The following TSNARE1 variants were observed in gnomAD, a reference collection of about 807,000 sequenced individuals.
The protein encoded by TSNARE1 is t-SNARE domain-containing protein 1.
TSNARE1 carries 49 observed loss-of-function variants against 62.0 expected under a neutral mutation model. That is an observed-to-expected ratio of 0.79 (90% CI 0.63 to 1.00). The LOEUF (loss-of-function observed/expected upper bound fraction) is 1.00. Among genes scored for constraint, TSNARE1 ranks in the 50% least tolerant of loss-of-function variants. The probability of loss-of-function intolerance (pLI) is 0.00; values close to 1 mark genes in which losing one functional copy is unlikely to be tolerated. For synonymous variants in TSNARE1, 328 were observed against 294.4 expected (o/e 1.11, Z -1.17); for missense variants, 755 against 700.1 (o/e 1.08, Z -0.88).
rs1246488431 is a variant in TSNARE1 at position 142,284,445 on chromosome 8, G to A, written c.1331C>T (p.Ala444Val). ...TTCTCCTTGCTCTGACACCATGGAG[G>A]CCAAGTCCTTGATGATCTGATTCAC... ...LDVNQIIKDL[A>V]SMVSEQGEAV... Residue 444 changes from alanine to valine, a missense_variant, in exon 11 of 14, where the codon GCC becomes GTC. Physicochemically the swap from Ala to Val is moderately conservative, Grantham distance 64. Transcript: ENST00000524325. 4.3e-6 allele frequency: 7 copies of A among 1,613,642 alleles called. No homozygotes were observed. Among genetic ancestry groups the A allele is most frequent in the Non-Finnish European group, 5.9e-6 (7 of 1,179,980 alleles).
intron 13 of TSNARE1, among the ~76,000 whole-genome samples, chr8:142,226,428 C>T (rs555116105): frequency 2.0e-4 from 30 of 152,314 alleles, no homozygotes; most frequent in African/African-American, 7.0e-4. Flanking sequence ...GCCCACCTCT[C>T]AGCCCACGCT....
At chr8:142,363,014 C>T (rs1308621353) in intron 1 of TSNARE1, among the ~76,000 whole-genome samples, 2 of 152,140 alleles carry the variant, frequency 1.3e-5, no homozygotes, top group Non-Finnish European at 2.9e-5. Flanking sequence ...AACTCATAGA[C>T]ATCTAGAAGG....
chr8:142,271,264 G>A (rs1398931760), intron 12 of TSNARE1: 9 of 1,038,046 alleles, frequency 8.7e-6, no homozygotes, highest in Middle Eastern at 4.4e-4. Context: ...CCAGCCTCTC[G>A]AGGGTCCGGT....
intron 10 of TSNARE1, among the ~76,000 whole-genome samples, chr8:142,287,179 G>A (rs1418764938): frequency 6.7e-6 from 1 of 149,930 alleles, no homozygotes; most frequent in Non-Finnish European, 1.5e-5. Flanking sequence ...CCTCCAGGTC[G>A]TGGAACCCAG....
intron 1 of TSNARE1, among the ~76,000 whole-genome samples, chr8:142,364,631 A>G (rs757893548): frequency 1.3e-4 from 20 of 152,212 alleles, no homozygotes; most frequent in Non-Finnish European, 2.4e-4. Flanking sequence ...AAAGTAAAAG[A>G]TAAGTCTGGA....
intron 13 of TSNARE1, among the ~76,000 whole-genome samples, chr8:142,223,423 CTCAT>C (rs1409680737): frequency 2.0e-5 from 3 of 147,012 alleles, no homozygotes; most frequent in Non-Finnish European, 3.0e-5. Flanking sequence ...CTCACTCATA[CTCAT>C]TCACTCACTC....
At chr8:142,300,828 G>A (rs1192658349) in intron 9 of TSNARE1, among the ~76,000 whole-genome samples, 184 bp from the exon 10 acceptor site, 1 of 152,148 alleles carries the variant, frequency 6.6e-6, no homozygotes, top group African/African-American at 2.4e-5. Context: ...ATCAATCTGG[G>A]CCTCCCAGGC....
At position 142,229,559 on chromosome 8, in the gene TSNARE1, C is replaced by T; in HGVS notation, c.1467G>A (p.Lys489=). Residue 489 remains lysine, a synonymous_variant, in exon 13 of 14, where the codon AAG becomes AAA. Transcript: ENST00000524325. ...SRHQLQRHKI[K]CCFLSAGVTA... The stretch of plus-strand genomic sequence containing the variant: ...TGACTCCAGCTGATAGGAAGCAGCA[C>T]TTGATCTTGTGTCTCTGGAGCTGGG... 3.1e-6 allele frequency: 5 copies of T among 1,613,972 alleles called. No individual in the cohort carries two copies. Among genetic ancestry groups the T allele is most frequent in the Non-Finnish European group, 4.2e-6 (5 of 1,179,986 alleles).
At chr8:142,271,198 G>A (rs1400810944) in intron 12 of TSNARE1, 1 of 994,432 alleles carries the variant, frequency 1.0e-6, no homozygotes, top group Non-Finnish European at 1.2e-6. Context: ...CCACTCCACT[G>A]GCAGGACTAC....
intron 4 of TSNARE1, among the ~76,000 whole-genome samples, chr8:142,340,711 C>A (rs1490774563): frequency 6.6e-6 from 1 of 152,222 alleles, no homozygotes; most frequent in Admixed American, 6.5e-5. Flanking sequence ...AGGGTGCCAT[C>A]CCCTCTCGAC....
intron 12 of TSNARE1, chr8:142,271,681 C>T (rs368676232): frequency 7.3e-7 from 1 of 1,379,236 alleles, no homozygotes; most frequent in Non-Finnish European, 9.4e-7. Flanking sequence ...GGGTCTCGTC[C>T]TCCTCATCAG....
At chr8:142,340,232 G>A (rs553371358) in intron 4 of TSNARE1, among the ~76,000 whole-genome samples, 13 of 152,226 alleles carry the variant, frequency 8.5e-5, no homozygotes, top group Admixed American at 2.6e-4. Flanking sequence ...GAGGCTTGCC[G>A]GGGCCTCCTG....
At chr8:142,399,537 A>G (rs760820446) in intron 1 of TSNARE1, among the ~76,000 whole-genome samples, 6 of 152,234 alleles carry the variant, frequency 3.9e-5, no homozygotes, top group Non-Finnish European at 7.3e-5. Context: ...CCCTCAGTAC[A>G]GAGAGCAGAG....
At chr8:142,277,215 T>C in intron 11 of TSNARE1, 1 of 985,320 alleles carries the variant, frequency 1.0e-6, no homozygotes, top group Non-Finnish European at 1.2e-6. Context: ...GGGGGCCCCT[T>C]GCACATCCCC....
At chr8:142,333,739 T>G (rs2132075627) in intron 4 of TSNARE1, among the ~76,000 whole-genome samples, 1 of 152,324 alleles carries the variant, frequency 6.6e-6, no homozygotes, top group Admixed American at 6.5e-5. Flanking sequence ...CCTGGCCCCC[T>G]GCACACTTTC....
chr8:142,293,445 G>A (rs550496170), intron 10 of TSNARE1, among the ~76,000 whole-genome samples: 4 of 152,336 alleles, frequency 2.6e-5, no homozygotes, highest in Admixed American at 6.5e-5. Flanking sequence ...ACACTCCACC[G>A]TGGCACTTTC....
At chr8:142,302,321 ACTCGTCCGGCCACTGGT>A (rs1825920432) in intron 9 of TSNARE1, among the ~76,000 whole-genome samples, 1 of 151,676 alleles carries the variant, frequency 6.6e-6, no homozygotes, top group South Asian at 2.1e-4. Context: ...CTCCCAGCTG[ACTCGTCCGGCCACTGGT>A]CTTGGCCCAG....
intron 12 of TSNARE1, among the ~76,000 whole-genome samples, chr8:142,255,949 A>G (rs1818486486): frequency 2.1e-5 from 2 of 97,340 alleles, no homozygotes; most frequent in African/African-American, 3.7e-5. Context: ...CACCACCATC[A>G]TCACCATCAC....
chr8:142,339,148 C>T (rs1389450231), intron 4 of TSNARE1, among the ~76,000 whole-genome samples: 3 of 152,138 alleles, frequency 2.0e-5, no homozygotes, highest in Non-Finnish European at 4.4e-5. Context: ...GCTTCAAAAT[C>T]CACAGAGCAC....
Sources: allele counts gnomAD v4.1 joint callset (sites outside exome capture counted in the v4.1 genomes callset), GRCh38; gene constraint gnomAD v4.1.1; transcripts MANE v1.5; gene names NCBI Gene and HGNC (gene_info 2026-07-23, HGNC 2026-07-21).